Variants in PDLIM5 observed in about 807,000 individuals in gnomAD.
PDLIM5 encodes PDZ and LIM domain 5.
PDLIM5 carries 34 observed loss-of-function variants against 64.2 expected under a neutral mutation model. That is an observed-to-expected ratio of 0.53 (90% confidence interval 0.40 to 0.71). The LOEUF is 0.71. Among genes scored for constraint, PDLIM5 ranks in the 30% least tolerant of loss-of-function variants. PDLIM5 has a pLI of 0.00. For missense variants in PDLIM5, 683 were observed against 733.6 expected (o/e 0.93, Z 0.80); for synonymous variants, 253 against 269.1 (o/e 0.94, Z 0.59).
intron 3 of PDLIM5, among the ~76,000 whole-genome samples, chr4:94,572,474 G>T (rs980851674): frequency 6.6e-6 from 1 of 151,984 alleles, no homozygotes; most frequent in African/African-American, 2.4e-5. Context: ...ATAACCATAG[G>T]TTTTACTTGG....
intron 7 of PDLIM5, among the ~76,000 whole-genome samples, chr4:94,594,981 A>T (rs1736954595): frequency 6.6e-6 from 1 of 152,166 alleles, no homozygotes; most frequent in Non-Finnish European, 1.5e-5. Flanking sequence ...CTTAACAGGA[A>T]TCATGGGTGG....
chr4:94,579,975 A>G (rs1003251874), intron 5 of PDLIM5, among the ~76,000 whole-genome samples: 1 of 152,156 alleles, frequency 6.6e-6, no homozygotes, highest in Non-Finnish European at 1.5e-5. Flanking sequence ...TTTTAATTCA[A>G]TGTTGCTGGC....
intron 4 of PDLIM5, 24 bp from the exon 5 acceptor site, chr4:94,575,592 T>C: frequency 6.8e-7 from 1 of 1,471,190 alleles, no homozygotes; most frequent in South Asian, 1.3e-5. Flanking sequence ...TGGTTTTGTG[T>C]ATGTTTATTT....
chr4:94,622,970 C>T (rs1739370974), intron 8 of PDLIM5, among the ~76,000 whole-genome samples: 1 of 152,024 alleles, frequency 6.6e-6, no homozygotes, highest in Admixed American at 6.6e-5. Context: ...CGCCCGGCCT[C>T]CATTTCTTTA....
intron 7 of PDLIM5, among the ~76,000 whole-genome samples, chr4:94,597,143 C>A (rs1737128603): frequency 6.6e-6 from 1 of 152,024 alleles, no homozygotes; most frequent in African/African-American, 2.4e-5. Context: ...TCCTGATATG[C>A]TAGTAATTTA....
At chr4:94,653,864 C>G (rs76686663) in intron 9 of PDLIM5, among the ~76,000 whole-genome samples, 3,710 of 152,074 alleles carry the variant, frequency 0.024, 155 homozygotes, top group East Asian at 0.15. Context: ...TTGATAATAC[C>G]TAGTTTACAG....
intron 7 of PDLIM5, among the ~76,000 whole-genome samples, chr4:94,603,007 A>G (rs1359889588): frequency 6.6e-6 from 1 of 152,214 alleles, no homozygotes; most frequent in African/African-American, 2.4e-5. Context: ...TAATAATATT[A>G]TCATTAATGA....
At chr4:94,592,003 A>T (rs1394227470) in intron 7 of PDLIM5, among the ~76,000 whole-genome samples, 1 of 152,234 alleles carries the variant, frequency 6.6e-6, no homozygotes, top group African/African-American at 2.4e-5. Flanking sequence ...CAAACACAGC[A>T]TTTAGAAGTC....
chr4:94,658,343 A>G (rs1305062297), intron 11 of PDLIM5, among the ~76,000 whole-genome samples: 1 of 152,216 alleles, frequency 6.6e-6, no homozygotes, highest in Non-Finnish European at 1.5e-5. Context: ...ACTAGACTAA[A>G]AGGACCTATC....
At chr4:94,649,987 T>A (rs967740213) in intron 9 of PDLIM5, among the ~76,000 whole-genome samples, 1 of 152,224 alleles carries the variant, frequency 6.6e-6, no homozygotes, top group South Asian at 2.1e-4. Flanking sequence ...CCTTTAAATG[T>A]AGTATGTTAA....
At chr4:94,559,510 G>A (rs1034392250) in intron 3 of PDLIM5, among the ~76,000 whole-genome samples, 3 of 152,222 alleles carry the variant, frequency 2.0e-5, no homozygotes, top group African/African-American at 2.4e-5. Flanking sequence ...GCATATGCCA[G>A]TGTTTGCTTT....
At chr4:94,610,286 T>C in intron 7 of PDLIM5, 1 of 1,516,804 alleles carries the variant, frequency 6.6e-7, no homozygotes, top group Non-Finnish European at 8.8e-7. Flanking sequence ...GTGTCTGCTG[T>C]TATTGCTACA....
chr4:94,553,347 G>C (rs780222374), intron 3 of PDLIM5, among the ~76,000 whole-genome samples: 1 of 152,104 alleles, frequency 6.6e-6, no homozygotes, highest in Non-Finnish European at 1.5e-5. Context: ...GACCTCAAGT[G>C]ATCTGCCTGC....
At chr4:94,485,680 A>G (rs1726250660) in intron 2 of PDLIM5, among the ~76,000 whole-genome samples, 1 of 151,368 alleles carries the variant, frequency 6.6e-6, no homozygotes, top group Admixed American at 6.6e-5. Flanking sequence ...AAAAATACAA[A>G]AAAAAAAACC....
At position 94,468,063 on chromosome 4, in the gene PDLIM5, A is replaced by C. The variant is rs571694495; in HGVS notation, c.96+12679A>C. ...AGACCAATGCAAAGTTTTAATTATG[A>C]AGTAAGGAAACTGATTTTTGTATGA... On this transcript the variant is annotated intron_variant, in intron 2 of 12. Coordinates refer to ENST00000317968, the MANE Select transcript of PDLIM5 (RefSeq NM_006457.5). 2.0e-5 allele frequency among the ~76,000 whole-genome samples: 3 copies of C among 152,332 alleles called. No homozygotes were observed. The South Asian group carries it at 6.2e-4, about 32-fold the overall frequency.
chr4:94,490,547 T>A (rs1022867177), intron 2 of PDLIM5, among the ~76,000 whole-genome samples: 2 of 152,154 alleles, frequency 1.3e-5, no homozygotes, highest in African/African-American at 4.8e-5. Flanking sequence ...ATTAATTGAT[T>A]TTGGATATTT....
chr4:94,628,320 A>G (rs887228270), intron 8 of PDLIM5, among the ~76,000 whole-genome samples: 3 of 152,288 alleles, frequency 2.0e-5, no homozygotes, highest in Admixed American at 2.0e-4. Flanking sequence ...CTTTTAAAAG[A>G]TGCTAAATTC....
chr4:94,666,735 T>G lies in PDLIM5; in HGVS notation c.*2668T>G, dbSNP rs1306689168. The G allele has an allele frequency of 6.6e-6, 1 of 152,254 alleles. No individual in the cohort carries two copies. The highest frequency in any genetic ancestry group is 1.5e-5 in the Non-Finnish European group (1 of 68,050). 9.4% of individuals were successfully genotyped at this position (152,254 alleles called of 1,614,324 possible). The stretch of plus-strand genomic sequence containing the variant: ...TGTCATTTTCATCAGACCTTCTTTC[T>G]ACATATTATTCATGAAGCATAATGT... On this transcript the variant is annotated 3_prime_UTR_variant, in exon 13 of 13. Transcript: ENST00000317968.
chr4:94,545,182 A>G lies in PDLIM5; in HGVS notation c.248+21307A>G, dbSNP rs113481589. ...TAAGCATATAAATATTTTTAAAAAT[A>G]TAGTTCGAATGTCTGTGATTTTCTT... is the stretch of plus-strand genomic sequence containing the variant. On this transcript the variant is annotated intron_variant, in intron 3 of 12. Coordinates refer to ENST00000317968, the MANE Select transcript of PDLIM5 (RefSeq NM_006457.5). 9.8e-3 allele frequency among the ~76,000 whole-genome samples: 1,499 copies of G among 152,316 alleles called. 33 individuals carry two copies. Among genetic ancestry groups the G allele is most frequent in the African/African-American group, 0.033 (1,376 of 41,560 alleles).
Sources: gnomAD v4.1 joint callset for allele counts (sites outside exome capture counted in the v4.1 genomes callset) on GRCh38, gnomAD v4.1.1 for gene constraint, MANE v1.5 for transcripts, NCBI Gene and HGNC (gene_info 2026-07-23, HGNC 2026-07-21) for gene names.